PTPRG: variants seen among roughly 807,000 people sequenced by gnomAD.
PTPRG encodes receptor-type tyrosine-protein phosphatase gamma.
In PTPRG, 102 loss-of-function variants were observed where a neutral mutation model predicts 165.3. The ratio of observed to expected loss-of-function variants is 0.62; its 90% CI spans 0.53 to 0.73. The LOEUF (loss-of-function observed/expected upper bound fraction) is 0.73. Ranked by LOEUF, PTPRG falls within the 30% of genes least tolerant of loss-of-function variation. The probability of loss-of-function intolerance (pLI) is 0.00; values close to 1 mark genes in which losing one functional copy is unlikely to be tolerated. For missense variants in PTPRG, 1,866 were observed against 1,861.4 expected, an observed-to-expected ratio of 1.00 and a Z score of -0.05; for synonymous variants, 675 against 669.5, an observed-to-expected ratio of 1.01 and a Z score of -0.13.
At chr3:62,099,387 C>A (rs1387424632) in intron 5 of PTPRG, among the ~76,000 whole-genome samples, 1 of 152,050 alleles carries the variant, frequency 6.6e-6, no homozygotes, top group Non-Finnish European at 1.5e-5. Flanking sequence ...GAAAATAGTT[C>A]AAATACTAGA....
rs1247375718 is a variant in PTPRG, at chr3:61,699,923, G to C, written c.86-48955G>C. On this transcript the variant is annotated intron_variant, in intron 1 of 29. Coordinates refer to ENST00000474889, the MANE Select transcript of PTPRG (RefSeq NM_002841.4). ...CAAAAGGAGACTCAACCTCAGAGTGGCTGCTTTTGAAATAAGTTTTCTAGA... is the reference window on the plus strand; with the variant it reads ...CAAAAGGAGACTCAACCTCAGAGTGCCTGCTTTTGAAATAAGTTTTCTAGA... Among the ~76,000 whole-genome samples the C allele has an allele frequency of 2.0e-5, 3 of 152,310 alleles. No homozygotes were observed. In the East Asian group the frequency reaches 5.8e-4, roughly 29 times the overall value.
intron 2 of PTPRG, among the ~76,000 whole-genome samples, chr3:61,941,599 C>T (rs1035118800): frequency 4.0e-5 from 6 of 150,402 alleles, no homozygotes; most frequent in South Asian, 2.2e-4. Flanking sequence ...CCAGCCTGGG[C>T]GACAAGCAAA....
At chr3:62,036,983 GCA>G (rs10587372) in intron 4 of PTPRG, among the ~76,000 whole-genome samples, 4,554 of 150,472 alleles carry the variant, frequency 0.03, 91 homozygotes, top group Non-Finnish European at 0.043. Context: ...GCGCGCGCAC[GCA>G]CACACACACA....
rs1054281942 is a variant in PTPRG, at chr3:62,043,606, G to A, written c.520-34557G>A. ...TCTTTTGGCTCTTTGTTGAATATGC[G>A]GCAATTCAGAGAAATAGATCATATA... On this transcript the variant is annotated intron_variant, in intron 4 of 29. Transcript: ENST00000474889. Among the ~76,000 whole-genome samples the A allele has an allele frequency of 3.9e-5, 6 of 152,086 alleles. 1 individual carries two copies. The South Asian group carries it at 1.0e-3, about 26-fold the overall frequency.
intron 27 of PTPRG, among the ~76,000 whole-genome samples, chr3:62,282,450 G>C (rs1303549030): frequency 1.4e-5 from 2 of 146,640 alleles, no homozygotes; most frequent in Non-Finnish European, 3.0e-5. Flanking sequence ...GGTGGGTCTT[G>C]AACTCCTGGC....
chr3:61,858,305 T>G (rs1281950621), intron 2 of PTPRG, among the ~76,000 whole-genome samples: 1 of 152,212 alleles, frequency 6.6e-6, no homozygotes, highest in Non-Finnish European at 1.5e-5. Context: ...GAGACAGTTT[T>G]ATAAGTGAAT....
intron 2 of PTPRG, among the ~76,000 whole-genome samples, chr3:61,866,727 T>C (rs766462226): frequency 2.7e-5 from 4 of 150,866 alleles, no homozygotes; most frequent in Non-Finnish European, 5.9e-5. Flanking sequence ...GCCTCTGGAG[T>C]AGCTGGGACT....
At chr3:62,184,031 T>C (rs754907144) in intron 8 of PTPRG, among the ~76,000 whole-genome samples, 1 of 152,198 alleles carries the variant, frequency 6.6e-6, no homozygotes, top group African/African-American at 2.4e-5. Flanking sequence ...AGATTGGGAT[T>C]CAGTTCTCCA....
rs555212495 is a variant in PTPRG at position 61,710,090 on chromosome 3, T to C, written c.86-38788T>C. Reference sequence around the variant, plus strand: ...GTTATTGGTAGTAGTAGCATCCCCTTTGAGTTTGAGCCATAGGTTTGTTGC... The same window carrying C: ...GTTATTGGTAGTAGTAGCATCCCCTCTGAGTTTGAGCCATAGGTTTGTTGC... On this transcript the variant is annotated intron_variant, in intron 1 of 29. Coordinates refer to ENST00000474889, the MANE Select transcript of PTPRG (RefSeq NM_002841.4). Among the ~76,000 whole-genome samples the C allele has an allele frequency of 1.1e-4, 17 of 152,300 alleles. No homozygotes were observed. In the South Asian group the frequency reaches 3.1e-3, roughly 28 times the overall value.
In PTPRG at chr3:62,293,150, T is replaced by G; in HGVS notation, c.4192-11T>G. On this transcript the variant is annotated splice_polypyrimidine_tract_variant and intron_variant, in intron 29 of 29. Coordinates refer to ENST00000474889, the MANE Select transcript of PTPRG (RefSeq NM_002841.4). ...TTCTTTGGCTCAAACTGTCTTCCTC[T>G]TGTTTTTCAGGAACAATACCAGTTC... is the stretch of plus-strand genomic sequence containing the variant. The G allele has an allele frequency of 6.4e-7, 1 of 1,559,598 alleles. No individual in the cohort carries two copies. Among genetic ancestry groups the G allele is most frequent in the Admixed American group, 2.0e-5 (1 of 49,228 alleles).
chr3:62,068,125 T>G lies in PTPRG; in HGVS notation c.520-10038T>G, dbSNP rs560519986. On this transcript the variant is annotated intron_variant, in intron 4 of 29. Transcript: ENST00000474889. ...CCTACTATCTCAGCCTTAATTTCCT[T>G]CTGTATAAAATAGGAAAAATAAGAG... 2.0e-4 allele frequency among the ~76,000 whole-genome samples: 30 copies of G among 152,290 alleles called. No individual in the cohort carries two copies. The East Asian group carries it at 5.2e-3, about 26-fold the overall frequency.
chr3:61,710,385 C>T (rs891301904), intron 1 of PTPRG, among the ~76,000 whole-genome samples: 10 of 152,084 alleles, frequency 6.6e-5, no homozygotes, highest in East Asian at 3.9e-4. Flanking sequence ...CCATGTAGTG[C>T]GTACAATAGT....
At chr3:61,712,863 A>G (rs1026058566) in intron 1 of PTPRG, among the ~76,000 whole-genome samples, 2 of 152,216 alleles carry the variant, frequency 1.3e-5, no homozygotes, top group Non-Finnish European at 2.9e-5. Flanking sequence ...CAGCTTCTGC[A>G]TATGACATTG....
Position 61,904,933 on chromosome 3 carries a change from G to A in PTPRG, c.191-84692G>A, listed in dbSNP as rs537540397. Among the ~76,000 whole-genome samples, 4 of 151,472 alleles carry A rather than the reference G, an allele frequency of 2.6e-5. No homozygotes were observed. In the East Asian group the frequency reaches 7.8e-4, roughly 30 times the overall value. ...GCCTTTTTTTTTTTGATGCTCAAAAGTAATGTTGTAAATGGGTAGAAAATT... is the reference window on the plus strand; with the variant it reads ...GCCTTTTTTTTTTTGATGCTCAAAAATAATGTTGTAAATGGGTAGAAAATT... On this transcript the variant is annotated intron_variant, in intron 2 of 29. Transcript: ENST00000474889.
At chr3:62,104,494 T>C (rs949792697) in intron 5 of PTPRG, among the ~76,000 whole-genome samples, 3 of 152,234 alleles carry the variant, frequency 2.0e-5, no homozygotes, top group African/African-American at 7.2e-5. Flanking sequence ...TGGATAATTA[T>C]CTTGACTTTA....
chr3:61,966,727 T>A (rs1477113482), intron 2 of PTPRG, among the ~76,000 whole-genome samples: 1 of 152,088 alleles, frequency 6.6e-6, no homozygotes, highest in Non-Finnish European at 1.5e-5. Context: ...GGAAGCCAAA[T>A]AGACAGGTGG....
At chr3:62,250,077 A>G (rs1311286062) in intron 15 of PTPRG, among the ~76,000 whole-genome samples, 1 of 152,230 alleles carries the variant, frequency 6.6e-6, no homozygotes, top group Non-Finnish European at 1.5e-5. Context: ...AGGCACTCTT[A>G]TAAGTACTTG....
intron 4 of PTPRG, among the ~76,000 whole-genome samples, chr3:62,004,995 G>T (rs1423555646): frequency 6.6e-6 from 1 of 152,112 alleles, no homozygotes; most frequent in East Asian, 1.9e-4. Context: ...TATCCTGGAA[G>T]CTCTGTTGAA....
chr3:61,964,721 T>C (rs1017111150), intron 2 of PTPRG, among the ~76,000 whole-genome samples: 2 of 152,130 alleles, frequency 1.3e-5, no homozygotes, highest in African/African-American at 2.4e-5. Context: ...CCTTGTGTCG[T>C]GGTTTTACAC....
Sources: gnomAD v4.1 joint callset for allele counts (sites outside exome capture counted in the v4.1 genomes callset) on GRCh38, gnomAD v4.1.1 for gene constraint, MANE v1.5 for transcripts, NCBI Gene and HGNC (gene_info 2026-07-23, HGNC 2026-07-21) for gene names.